The following ST8SIA1 variants were observed in gnomAD, a reference collection of about 807,000 sequenced individuals.
ST8SIA1 encodes the protein alpha-N-acetylneuraminide alpha-2,8-sialyltransferase.
A neutral mutation model predicts 35.9 loss-of-function variants in ST8SIA1; 16 were observed. That is an observed-to-expected ratio of 0.45 (90% CI 0.30 to 0.68). The LOEUF is 0.68. Ranked by LOEUF, ST8SIA1 falls within the 30% of genes least tolerant of loss-of-function variation. ST8SIA1 has a pLI of 0.09. For synonymous variants in ST8SIA1, 170 were observed against 169.6 expected, an observed-to-expected ratio of 1.00 and a Z score of -0.02; for missense variants, 383 against 453.6, an observed-to-expected ratio of 0.84 and a Z score of 1.41.
In ST8SIA1 at chr12:22,198,602, G is replaced by A. The variant is rs1371394686; in HGVS notation, c.*2950C>T. On this transcript the variant is annotated 3_prime_UTR_variant, in exon 5 of 5. Transcript: ENST00000396037. ...AACCAATTATGTCCAAAAGGCATAT[G>A]TATGGTGTATCTAGTGAGTTGTAAT... The A allele has an allele frequency of 6.6e-6, 1 of 150,772 alleles. No homozygotes were observed. The highest frequency in any genetic ancestry group is 1.5e-5 in the Non-Finnish European group (1 of 67,912). The allele number at this position is 150,772 out of a possible 1,614,324, so 9.3% of individuals were successfully genotyped here. A position where few individuals can be genotyped will look rare whatever the true frequency, so the allele number is the denominator to read the frequency against.
rs146865377 is a variant in ST8SIA1, at chr12:22,314,218, A to G, written c.236+19779T>C. Among the ~76,000 whole-genome samples, 797 of 152,268 alleles carry G rather than the reference A, an allele frequency of 5.2e-3. 7 individuals carry two copies. The highest frequency in any genetic ancestry group is 0.018 in the African/African-American group (753 of 41,566). ...CCTGCACTCTCCCCCTCCTTCCTCCATGCTCACTAGTACTACCCTTCACGG... is the reference window on the plus strand; with the variant it reads ...CCTGCACTCTCCCCCTCCTTCCTCCGTGCTCACTAGTACTACCCTTCACGG... On this transcript the variant is annotated intron_variant, in intron 1 of 4. Transcript: ENST00000396037.
intron 4 of ST8SIA1, among the ~76,000 whole-genome samples, chr12:22,207,549 G>C (rs1865126456): frequency 6.6e-6 from 1 of 152,170 alleles, no homozygotes; most frequent in African/African-American, 2.4e-5. Context: ...GGCGGTCTGA[G>C]ACAGGAGATT....
In ST8SIA1 at chr12:22,201,846, A is replaced by G; in HGVS notation, c.777T>C (p.Ile259=). 1.2e-6 allele frequency: 2 copies of G among 1,614,132 alleles called. No homozygotes were observed. The highest frequency in any genetic ancestry group is 1.6e-4 in the Middle Eastern group (1 of 6,062). Residue 259 remains isoleucine, a synonymous_variant, in exon 5 of 5, where the codon ATT becomes ATC. Transcript: ENST00000396037. The stretch of plus-strand genomic sequence containing the variant: ...TTCCTCTACTTTTCCAGAACTTTCC[A>G]ATGCTACGCAGAAAGTTGGGGTTGG... The part of the protein sequence containing the change: ...LFANPNFLRS[I]GKFWKSRGIH...
At chr12:22,219,400 G>T (rs1283362351) in intron 4 of ST8SIA1, among the ~76,000 whole-genome samples, 2 of 152,130 alleles carry the variant, frequency 1.3e-5, no homozygotes, top group Non-Finnish European at 2.9e-5. Context: ...GTGAAGACAG[G>T]GATCCTTCTC....
intron 1 of ST8SIA1, among the ~76,000 whole-genome samples, chr12:22,307,211 G>T (rs2135829613): frequency 1.3e-5 from 2 of 152,232 alleles, no homozygotes; most frequent in Middle Eastern, 6.8e-3. Context: ...CTGACTGAAA[G>T]ATCTTTATGC....
chr12:22,249,146 A>G, intron 3 of ST8SIA1, 48 bp from the exon 4 acceptor site: 2 of 1,210,004 alleles, frequency 1.7e-6, no homozygotes, highest in Admixed American at 1.7e-5. Flanking sequence ...ATAGTTTTAA[A>G]TCATCAGTTA....
Position 22,240,968 on chromosome 12 carries a change from C to T in ST8SIA1, c.584+8038G>A, listed in dbSNP as rs573523229. On this transcript the variant is annotated intron_variant, in intron 4 of 4. Transcript: ENST00000396037. ...CTAAATACATTTCTGTTTCCTAGTTCATGCCAACTCTTTTTTTTTTTTTTT... is the reference window on the plus strand; with the variant it reads ...CTAAATACATTTCTGTTTCCTAGTTTATGCCAACTCTTTTTTTTTTTTTTT... Among the ~76,000 whole-genome samples the T allele has an allele frequency of 4.1e-5, 6 of 145,732 alleles. No homozygotes were observed. The South Asian group carries it at 1.1e-3, about 27-fold the overall frequency.
chr12:22,286,225 G>C (rs1275180047), intron 2 of ST8SIA1, among the ~76,000 whole-genome samples: 1 of 152,138 alleles, frequency 6.6e-6, no homozygotes, highest in African/African-American at 2.4e-5. Flanking sequence ...CATTAAACTA[G>C]ACTAAAATAT....
chr12:22,235,587 C>T (rs927441440), intron 4 of ST8SIA1, among the ~76,000 whole-genome samples: 3 of 152,176 alleles, frequency 2.0e-5, no homozygotes, highest in East Asian at 1.9e-4. Context: ...CTCAAAGAGG[C>T]TCTTGGCATA....
rs1866482621 is a variant in ST8SIA1, at chr12:22,313,818, CAGTGT to C, written c.236+20174_236+20178del. Among the ~76,000 whole-genome samples, 3 of 152,334 alleles carry C rather than the reference CAGTGT, an allele frequency of 2.0e-5. No individual in the cohort carries two copies. In the South Asian group the frequency reaches 6.2e-4, roughly 32 times the overall value. The stretch of plus-strand genomic sequence containing the variant: ...CCCCAGGCCATATGGACTGACCAAT[CAGTGT>C]CCAGATACCTGACACCAGCAGATAT... On this transcript the variant is annotated intron_variant, in intron 1 of 4. Transcript: ENST00000396037.
Position 22,232,955 on chromosome 12 carries a change from C to T in ST8SIA1, c.584+16051G>A, listed in dbSNP as rs1428015505. 2.0e-5 allele frequency among the ~76,000 whole-genome samples: 3 copies of T among 151,904 alleles called. No individual in the cohort carries two copies. In the East Asian group the frequency reaches 5.8e-4, roughly 29 times the overall value. On this transcript the variant is annotated intron_variant, in intron 4 of 4. Coordinates refer to ENST00000396037, the MANE Select transcript of ST8SIA1 (RefSeq NM_003034.4). ...GAAAAATCAATGTGTCACATGTTCC[C>T]GGTGGGTCAAATAAGAGAACTAACA...
At chr12:22,262,101 T>G (rs566231488) in intron 2 of ST8SIA1, among the ~76,000 whole-genome samples, 1 of 151,278 alleles carries the variant, frequency 6.6e-6, no homozygotes, top group East Asian at 1.9e-4. Context: ...GTCTATTAGA[T>G]AATATTAGGA....
chr12:22,315,760 C>A (rs1866510542), intron 1 of ST8SIA1, among the ~76,000 whole-genome samples: 1 of 142,638 alleles, frequency 7.0e-6, no homozygotes, highest in Admixed American at 7.0e-5. Flanking sequence ...ATTCACAAAC[C>A]CCTTAATGTA....
intron 4 of ST8SIA1, among the ~76,000 whole-genome samples, chr12:22,227,021 A>G (rs1374934392): frequency 6.6e-6 from 1 of 151,906 alleles, no homozygotes; most frequent in Non-Finnish European, 1.5e-5. Context: ...ATCTTGGCTC[A>G]CTGCAATCTC....
chr12:22,255,321 A>G lies in ST8SIA1; in HGVS notation c.450T>C (p.Ser150=). ...VVGNGGILKK[S]GCGRQIDEAN... The stretch of plus-strand genomic sequence containing the variant: ...CTTCATCTATTTGACGGCCACAGCC[A>G]CTCTTCTTCAGAATCCCACCATTTC... Residue 150 remains serine (S), a synonymous_variant, in exon 3 of 5, where the codon AGT becomes AGC. Coordinates refer to ENST00000396037, the MANE Select transcript of ST8SIA1 (RefSeq NM_003034.4). The G allele has an allele frequency of 6.2e-7, 1 of 1,613,988 alleles. No individual in the cohort carries two copies. Among genetic ancestry groups the G allele is most frequent in the Non-Finnish European group, 8.5e-7 (1 of 1,179,968 alleles).
At position 22,334,503 on chromosome 12, in the gene ST8SIA1, C is replaced by T; in HGVS notation, c.-271G>A. ...CCATGGTCGCTTCCCCTGCAGAAGG[C>T]GGGCGCTGGGGTCTCCGAGTGCGCA... On this transcript the variant is annotated 5_prime_UTR_variant, in exon 1 of 5. Coordinates refer to ENST00000396037, the MANE Select transcript of ST8SIA1 (RefSeq NM_003034.4). 1 of 519,066 alleles carries T rather than the reference C, an allele frequency of 1.9e-6. No individual in the cohort carries two copies. 32.2% of individuals were successfully genotyped at this position (519,066 alleles called of 1,614,324 possible).
chr12:22,199,310 G>A lies in ST8SIA1; in HGVS notation c.*2242C>T, dbSNP rs1440895546. On this transcript the variant is annotated 3_prime_UTR_variant, in exon 5 of 5. Transcript: ENST00000396037. Reference sequence around the variant, plus strand: ...TGGAACTGTGATGTATGGGCTCTATGGAGCTCATTAATTACATTTTAACAA... The same window carrying A: ...TGGAACTGTGATGTATGGGCTCTATAGAGCTCATTAATTACATTTTAACAA... 4 of 151,758 alleles carry A rather than the reference G, an allele frequency of 2.6e-5. No individual in the cohort carries two copies. The highest frequency in any genetic ancestry group is 5.9e-5 in the Non-Finnish European group (4 of 67,956). The allele number at this position is 151,758 out of a possible 1,614,324, so 9.4% of individuals were successfully genotyped here. A position where few individuals can be genotyped will look rare whatever the true frequency, so the allele number is the denominator to read the frequency against.
At chr12:22,229,054 C>CAAAAAAAA (rs11463657) in intron 4 of ST8SIA1, among the ~76,000 whole-genome samples, 2 of 101,922 alleles carry the variant, frequency 2.0e-5, no homozygotes, top group Non-Finnish European at 3.8e-5. Flanking sequence ...ACTCCATCTC[C>CAAAAAAAA]AAAAAAAAAA....
chr12:22,258,913 T>A (rs1316589677), intron 2 of ST8SIA1, among the ~76,000 whole-genome samples: 1 of 152,126 alleles, frequency 6.6e-6, no homozygotes, highest in African/African-American at 2.4e-5. Flanking sequence ...TTCCAAACTG[T>A]GGAACTATGG....
Sources: allele counts gnomAD v4.1 joint callset (sites outside exome capture counted in the v4.1 genomes callset), GRCh38; gene constraint gnomAD v4.1.1; transcripts MANE v1.5; gene names NCBI Gene and HGNC (gene_info 2026-07-23, HGNC 2026-07-21).